The following PI4K2B variants were observed in gnomAD, a reference collection of about 807,000 sequenced individuals.
The protein encoded by PI4K2B is phosphatidylinositol 4-kinase type 2 beta.
Under a neutral mutation model 56.6 loss-of-function variants are expected in PI4K2B, and 46 were observed. That is an observed-to-expected ratio of 0.81 (90% CI 0.64 to 1.04). The LOEUF (loss-of-function observed/expected upper bound fraction) is 1.04. Among genes scored for constraint, PI4K2B ranks in the 50% least tolerant of loss-of-function variants. The pLI, the probability that PI4K2B is intolerant of heterozygous loss-of-function variation, is 0.00. For missense variants in PI4K2B, 556 were observed against 607.7 expected (o/e 0.91, Z 0.89); for synonymous variants, 211 against 223.8 (o/e 0.94, Z 0.51).
At chr4:25,257,581 A>G (rs768553646) in intron 4 of PI4K2B, among the ~76,000 whole-genome samples, 8 of 152,190 alleles carry the variant, frequency 5.3e-5, no homozygotes, top group Non-Finnish European at 8.8e-5. Context: ...CCAGCTAAAC[A>G]AGGGTAGAGA....
intron 3 of PI4K2B, 97 bp downstream of exon 3, chr4:25,255,362 G>T: frequency 1.9e-6 from 2 of 1,075,250 alleles, no homozygotes; most frequent in Non-Finnish European, 2.8e-6. Flanking sequence ...AACCTAAAGT[G>T]GAGCCCCTTT....
At chr4:25,234,889 A>T (rs376032867) in intron 1 of PI4K2B, among the ~76,000 whole-genome samples, 92 of 152,354 alleles carry the variant, frequency 6.0e-4, no homozygotes, top group African/African-American at 1.9e-3. Context: ...GCACGTTTCA[A>T]AACCTTTTTC....
In PI4K2B at chr4:25,252,475, G is replaced by T; in HGVS notation, c.423G>T (p.Arg141Ser). The change falls in exon 2 of 10, where the codon AGG becomes AGT. Residue 141 changes from arginine (R) to serine (S), a missense_variant and splice_region_variant. Physicochemically the swap from Arg to Ser is moderately radical, Grantham distance 110. Transcript: ENST00000264864. ...SGSYFVKDPK[R>S]KIIGVFKPKS... Reference sequence around the variant, plus strand: ...GTTACTTTGTGAAGGATCCTAAGAGGGTGAGAATTTCACAGACCTATTATA... The same window carrying T: ...GTTACTTTGTGAAGGATCCTAAGAGTGTGAGAATTTCACAGACCTATTATA... 6.3e-7 allele frequency: 1 copy of T among 1,599,402 alleles called. No individual in the cohort carries two copies. Among genetic ancestry groups the T allele is most frequent in the Non-Finnish European group, 8.6e-7 (1 of 1,167,390 alleles).
intron 1 of PI4K2B, among the ~76,000 whole-genome samples, chr4:25,239,265 G>T (rs1474978307): frequency 6.6e-6 from 1 of 152,182 alleles, no homozygotes; most frequent in Non-Finnish European, 1.5e-5. Context: ...TTGGGTGGTC[G>T]ATGGGACGGG....
Position 25,238,510 on chromosome 4 carries a change from T to G in PI4K2B, c.268+4079T>G, listed in dbSNP as rs80329404. On this transcript the variant is annotated intron_variant, in intron 1 of 9. Transcript: ENST00000264864. ...TGGACCCTCGCGGTTAGTGTTACAG[T>G]TCTTAAAGGCGGTGTGTTCGGAGTT... Among the ~76,000 whole-genome samples the G allele has an allele frequency of 0.014, 2,169 of 152,194 alleles. 121 individuals carry two copies. In the East Asian group the frequency reaches 0.18, roughly 13 times the overall value.
chr4:25,234,550 G>C, intron 1 of PI4K2B, 119 bp downstream of exon 1: 1 of 701,234 alleles, frequency 1.4e-6, no homozygotes, highest in Non-Finnish European at 2.0e-6. Flanking sequence ...CGCTCGCTGG[G>C]CAGCAGCTCC....
chr4:25,260,381 T>A (rs1716415186), intron 5 of PI4K2B, 143 bp from the exon 6 acceptor site: 1 of 369,392 alleles, frequency 2.7e-6, no homozygotes, highest in Admixed American at 4.0e-5. Flanking sequence ...TTTAGTTTCT[T>A]TGTGTTAAAT....
intron 5 of PI4K2B, 114 bp downstream of exon 5, chr4:25,259,304 C>T (rs1429274420): frequency 1.4e-6 from 1 of 704,990 alleles, no homozygotes; most frequent in East Asian, 2.6e-5. Context: ...GCCACTTTCT[C>T]TGTCTGTCTT....
chr4:25,261,088 G>A (rs1031646189), intron 6 of PI4K2B, among the ~76,000 whole-genome samples: 3 of 151,754 alleles, frequency 2.0e-5, no homozygotes, highest in African/African-American at 4.8e-5. Flanking sequence ...TACCTGCCTA[G>A]TACTTTTTTA....
At position 25,263,850 on chromosome 4, in the gene PI4K2B, G is replaced by A. The variant is rs1314180240; in HGVS notation, c.1078+1G>A. ...AAACATCCTGATGAATGGAGAGCAT[G>A]TGAGTATTTAGAACCTTCTGTAGAG... On this transcript the variant is annotated splice_donor_variant, in intron 7 of 9. Coordinates refer to ENST00000264864, the MANE Select transcript of PI4K2B (RefSeq NM_018323.4). LOFTEE classifies it high-confidence loss of function. 3 of 1,344,878 alleles carry A rather than the reference G, an allele frequency of 2.2e-6. No individual in the cohort carries two copies. The highest frequency in any genetic ancestry group is 1.7e-5 in the Admixed American group (1 of 58,260). 83.3% of individuals were successfully genotyped at this position (1,344,878 alleles called of 1,614,324 possible). A position where few individuals can be genotyped will look rare whatever the true frequency, so the allele number is the denominator to read the frequency against.
chr4:25,234,759 G>A (rs570132333), intron 1 of PI4K2B, among the ~76,000 whole-genome samples: 1 of 152,364 alleles, frequency 6.6e-6, no homozygotes, highest in South Asian at 2.1e-4. Flanking sequence ...CCTTGCTCAA[G>A]TTTGGACTTG....
intron 1 of PI4K2B, among the ~76,000 whole-genome samples, chr4:25,250,124 C>A (rs147066387): frequency 6.6e-6 from 1 of 152,254 alleles, no homozygotes; most frequent in African/African-American, 2.4e-5. Flanking sequence ...CAGGCTGAGG[C>A]GGGAGAATCA....
intron 1 of PI4K2B, among the ~76,000 whole-genome samples, chr4:25,236,688 G>A (rs1294110443): frequency 2.6e-5 from 4 of 152,148 alleles, no homozygotes; most frequent in Non-Finnish European, 5.9e-5. Flanking sequence ...TGGTTTGCCC[G>A]AAGTCAAATA....
chr4:25,241,860 T>C (rs1253389827), intron 1 of PI4K2B, among the ~76,000 whole-genome samples: 2 of 152,332 alleles, frequency 1.3e-5, no homozygotes, highest in Non-Finnish European at 2.9e-5. Context: ...TGGGAAGGCT[T>C]AAAGCTGGAG....
intron 1 of PI4K2B, among the ~76,000 whole-genome samples, chr4:25,242,703 C>T (rs1715578686): frequency 6.6e-6 from 1 of 152,214 alleles, no homozygotes; most frequent in Non-Finnish European, 1.5e-5. Context: ...TAACAATATT[C>T]TGTAATCCTT....
At chr4:25,245,557 A>G (rs1365139975) in intron 1 of PI4K2B, among the ~76,000 whole-genome samples, 3 of 152,194 alleles carry the variant, frequency 2.0e-5, no homozygotes, top group Admixed American at 6.5e-5. Flanking sequence ...CAACGCTCCC[A>G]ACTCTGAAGA....
intron 1 of PI4K2B, among the ~76,000 whole-genome samples, chr4:25,239,272 C>T (rs547725757): frequency 1.4e-4 from 22 of 152,268 alleles, no homozygotes; most frequent in Admixed American, 7.2e-4. Context: ...GTCGATGGGA[C>T]GGGGCACCAT....
At chr4:25,270,553 G>A (rs796487313) in intron 9 of PI4K2B, among the ~76,000 whole-genome samples, 4 of 151,856 alleles carry the variant, frequency 2.6e-5, no homozygotes, top group South Asian at 2.1e-4. Context: ...TCACCATGTC[G>A]GCCAGGCTGG....
rs759901122 is a variant in PI4K2B, at chr4:25,255,052, T to C, written c.424-13T>C. 8.2e-6 allele frequency: 13 copies of C among 1,587,974 alleles called. No individual in the cohort carries two copies. Among genetic ancestry groups the C allele is most frequent in the East Asian group, 2.2e-5 (1 of 44,742 alleles). ...GTAAAAAGTCTAATAAGATTTTTAC[T>C]TTTTTGCTCTAGAAAATTATTGGTG... On this transcript the variant is annotated splice_polypyrimidine_tract_variant and intron_variant, in intron 2 of 9. Coordinates refer to ENST00000264864, the MANE Select transcript of PI4K2B (RefSeq NM_018323.4).
Sources: gnomAD v4.1 joint callset for allele counts (sites outside exome capture counted in the v4.1 genomes callset) on GRCh38, gnomAD v4.1.1 for gene constraint, MANE v1.5 for transcripts, NCBI Gene and HGNC (gene_info 2026-07-23, HGNC 2026-07-21) for gene names.